ADAMTS17: variants seen among roughly 807,000 people sequenced by gnomAD.
ADAMTS17 encodes the protein ADAM metallopeptidase with thrombospondin type 1 motif 17.
ADAMTS17 carries 113 observed loss-of-function variants against 141.5 expected under a neutral mutation model. That is an observed-to-expected ratio of 0.80 (90% CI 0.69 to 0.93). The LOEUF is 0.93. Ranked by LOEUF, ADAMTS17 falls within the 40% of genes least tolerant of loss-of-function variation. The pLI, the probability that ADAMTS17 is intolerant of heterozygous loss-of-function variation, is 0.00. For synonymous variants in ADAMTS17, 768 were observed against 630.6 expected (o/e 1.22, Z -3.27); for missense variants, 1,659 against 1,517.9 (o/e 1.09, Z -1.54).
intron 13 of ADAMTS17, among the ~76,000 whole-genome samples, chr15:100,116,518 C>T (rs2037139984): frequency 1.3e-5 from 2 of 152,260 alleles, no homozygotes; most frequent in South Asian, 4.1e-4. Context: ...TGTAAAGCTC[C>T]TTGGTCTCCT....
chr15:100,255,617 A>AACACACACACACACACAC (rs10529356), intron 6 of ADAMTS17, among the ~76,000 whole-genome samples: 7,009 of 140,182 alleles, frequency 0.05, 476 homozygotes, highest in African/African-American at 0.14. Context: ...TGTTTTGAGC[A>AACACACACACACACACAC]ACACACACAC....
intron 21 of ADAMTS17, among the ~76,000 whole-genome samples, 188 bp downstream of exon 21, chr15:99,975,857 C>T (rs1157696631): frequency 7.4e-6 from 1 of 134,664 alleles, no homozygotes; most frequent in Non-Finnish European, 1.6e-5. Context: ...AAGCAAACAC[C>T]ACTTCCATAA....
intron 18 of ADAMTS17, among the ~76,000 whole-genome samples, chr15:100,045,732 G>A (rs1299217593): frequency 6.6e-6 from 1 of 152,104 alleles, no homozygotes; most frequent in African/African-American, 2.4e-5. Flanking sequence ...GTAAAAGATG[G>A]CGGGTAACTA....
chr15:100,133,144 T>A lies in ADAMTS17; in HGVS notation c.1575+70A>T, dbSNP rs1184446007. On this transcript the variant is annotated intron_variant, in intron 11 of 21. Transcript: ENST00000268070. Reference sequence around the variant, plus strand: ...TCCTAAGTAGAGTACAGATTGTGTGTCAGAAGAGGTGCCAGTTGCCTGCAA... The same window carrying A: ...TCCTAAGTAGAGTACAGATTGTGTGACAGAAGAGGTGCCAGTTGCCTGCAA... The A allele has an allele frequency of 2.8e-6, 4 of 1,405,450 alleles. No individual in the cohort carries two copies. The East Asian group carries it at 9.9e-5, about 35-fold the overall frequency. The allele number at this position is 1,405,450 out of a possible 1,614,324, so 87.1% of individuals were successfully genotyped here.
chr15:100,294,921 T>A (rs1276627216), intron 3 of ADAMTS17, among the ~76,000 whole-genome samples: 1 of 152,202 alleles, frequency 6.6e-6, no homozygotes, highest in Non-Finnish European at 1.5e-5. Context: ...GCAGAGTGCA[T>A]GAGTCCTTCT....
At chr15:100,018,347 A>G (rs2061333070) in intron 18 of ADAMTS17, among the ~76,000 whole-genome samples, 1 of 152,248 alleles carries the variant, frequency 6.6e-6, no homozygotes, top group African/African-American at 2.4e-5. Flanking sequence ...AAGAAGAAAT[A>G]TAAATATCTC....
chr15:100,099,619 A>G (rs2035972648), intron 14 of ADAMTS17, among the ~76,000 whole-genome samples: 2 of 152,312 alleles, frequency 1.3e-5, no homozygotes, highest in South Asian at 4.1e-4. Flanking sequence ...CTTTCAAAGC[A>G]GGGCTTCAAG....
At chr15:100,098,878 T>C (rs997111885) in intron 14 of ADAMTS17, among the ~76,000 whole-genome samples, 6 of 152,184 alleles carry the variant, frequency 3.9e-5, no homozygotes, top group African/African-American at 1.4e-4. Flanking sequence ...CTGGCCTCTT[T>C]CCTGGCACCT....
intron 8 of ADAMTS17, among the ~76,000 whole-genome samples, chr15:100,160,102 A>G (rs571606017): frequency 1.3e-5 from 2 of 152,274 alleles, no homozygotes; most frequent in Admixed American, 6.5e-5. Flanking sequence ...AAACGTTACA[A>G]AATTTGCACA....
chr15:100,197,620 A>G (rs1204760204), intron 8 of ADAMTS17, among the ~76,000 whole-genome samples: 3 of 152,120 alleles, frequency 2.0e-5, no homozygotes, highest in African/African-American at 7.2e-5. Flanking sequence ...ATAACTGTGC[A>G]CTCAGAGACA....
At chr15:100,067,973 C>T (rs11852263) in intron 15 of ADAMTS17, among the ~76,000 whole-genome samples, 5,842 of 152,224 alleles carry the variant, frequency 0.038, 362 homozygotes, top group African/African-American at 0.13. Context: ...ACCCGGGAAG[C>T]GCAAGGGGTC....
rs137912250 is a variant in ADAMTS17, at chr15:100,262,352, G to A, written c.873C>T (p.Pro291=). ...VTKLVLLRQR[P]AKLSIGHHGE... ...TTGAAAGGTGCCTGTGGGGACTTACGGGACGTTGTCGTAGCAGGACAAGCT... is the reference window on the plus strand; with the variant it reads ...TTGAAAGGTGCCTGTGGGGACTTACAGGACGTTGTCGTAGCAGGACAAGCT... Residue 291 remains proline, a splice_region_variant and synonymous_variant, in exon 5 of 22, where the codon CCC becomes CCT. Transcript: ENST00000268070. 14 of 1,613,440 alleles carry A rather than the reference G, an allele frequency of 8.7e-6. No homozygotes were observed. Among genetic ancestry groups the A allele is most frequent in the Middle Eastern group, 1.6e-4 (1 of 6,082 alleles).
At chr15:100,044,645 T>C (rs562739301) in intron 18 of ADAMTS17, among the ~76,000 whole-genome samples, 8 of 152,226 alleles carry the variant, frequency 5.3e-5, no homozygotes, top group Admixed American at 1.3e-4. Context: ...ATACATGTCA[T>C]CTTCCAGTCA....
chr15:100,193,758 G>A (rs904433155), intron 8 of ADAMTS17, among the ~76,000 whole-genome samples: 5 of 152,256 alleles, frequency 3.3e-5, no homozygotes, highest in African/African-American at 1.2e-4. Context: ...GAGGCCACGG[G>A]CTGAGCCTCC....
intron 8 of ADAMTS17, among the ~76,000 whole-genome samples, chr15:100,189,669 A>C (rs1269801551): frequency 6.6e-6 from 1 of 152,208 alleles, no homozygotes; most frequent in Non-Finnish European, 1.5e-5. Context: ...GCGTCTTGTC[A>C]CTTGTCTTCA....
At chr15:100,207,297 T>C (rs1185651998) in intron 7 of ADAMTS17, among the ~76,000 whole-genome samples, 1 of 152,216 alleles carries the variant, frequency 6.6e-6, no homozygotes, top group African/African-American at 2.4e-5. Flanking sequence ...AAGAGATTCC[T>C]TATCCCAAAC....
chr15:100,275,214 G>C (rs531497427), intron 4 of ADAMTS17, among the ~76,000 whole-genome samples: 1 of 152,180 alleles, frequency 6.6e-6, no homozygotes, highest in Non-Finnish European at 1.5e-5. Flanking sequence ...TCAAGTTCGG[G>C]CTGCCTAGTG....
chr15:100,120,391 G>A (rs1287485621), intron 12 of ADAMTS17, among the ~76,000 whole-genome samples: 1 of 152,204 alleles, frequency 6.6e-6, no homozygotes, highest in Non-Finnish European at 1.5e-5. Flanking sequence ...GTCAGGGTGA[G>A]CAGTAAGAAC....
intron 3 of ADAMTS17, among the ~76,000 whole-genome samples, chr15:100,282,030 T>C (rs568850202): frequency 6.6e-6 from 1 of 152,338 alleles, no homozygotes; most frequent in East Asian, 1.9e-4. Context: ...TGAGTAATTC[T>C]CCATTGATTC....
Sources: allele counts gnomAD v4.1 joint callset (sites outside exome capture counted in the v4.1 genomes callset), GRCh38; gene constraint gnomAD v4.1.1; transcripts MANE v1.5; gene names NCBI Gene and HGNC (gene_info 2026-07-23, HGNC 2026-07-21).